The following GLYR1 variants were observed in gnomAD, a reference collection of about 807,000 sequenced individuals.
GLYR1 encodes the protein cytokine-like nuclear factor N-PAC.
In GLYR1, 21 loss-of-function variants were observed where a neutral mutation model predicts 72.7. The ratio of observed to expected loss-of-function variants is 0.29; its 90% CI spans 0.20 to 0.42. The LOEUF is 0.42. GLYR1 is among the 10% of genes least tolerant of loss of function. The probability of loss-of-function intolerance (pLI) is 1.00; values close to 1 mark genes in which losing one functional copy is unlikely to be tolerated. For missense variants in GLYR1, 594 were observed against 712.1 expected, an observed-to-expected ratio of 0.83 and a Z score of 1.89; for synonymous variants, 392 against 270.2, an observed-to-expected ratio of 1.45 and a Z score of -4.42.
At chr16:4,808,657 C>G (rs1325066888) in intron 15 of GLYR1, among the ~76,000 whole-genome samples, 1 of 151,408 alleles carries the variant, frequency 6.6e-6, no homozygotes, top group Non-Finnish European at 1.5e-5. Flanking sequence ...GCTGATAGTA[C>G]TTTAAAAATA....
chr16:4,807,514 A>C (rs576406420), intron 15 of GLYR1, among the ~76,000 whole-genome samples: 2 of 152,230 alleles, frequency 1.3e-5, no homozygotes, highest in Non-Finnish European at 1.5e-5. Context: ...AAATTGAACC[A>C]CATATCAATA....
intron 9 of GLYR1, chr16:4,818,022 A>G: frequency 8.2e-6 from 2 of 242,472 alleles, no homozygotes; most frequent in South Asian, 1.1e-4. Flanking sequence ...TTTTTGAGAC[A>G]GTCTTGCTCT....
chr16:4,811,076 G>T, intron 15 of GLYR1, 94 bp downstream of exon 15: 7 of 1,470,412 alleles, frequency 4.8e-6, no homozygotes, highest in Non-Finnish European at 6.4e-6. Flanking sequence ...GTGCACTCTA[G>T]CCTGGGTGAC....
Position 4,821,558 on chromosome 16 carries a change from T to A in GLYR1, c.721A>T (p.Ile241Leu). Residue 241 changes from isoleucine to leucine, a missense_variant, in exon 8 of 16, where the codon ATA becomes TTA. This residue lies in a region of GLYR1 where 252 missense variants were observed against 211.3 expected (regional missense o/e 1.19). Coordinates refer to ENST00000321919, the MANE Select transcript of GLYR1 (RefSeq NM_032569.4). ...TGGAGCCTACATACCTCTTCACATA[T>A]TTTCAACTTCTTCGTGATTGCCTGG... is the stretch of plus-strand genomic sequence containing the variant. ...CYQAITKKLK[I>L]CEEETGSTSI... is the part of the protein sequence containing the mutation. 6.2e-7 allele frequency: 1 copy of A among 1,614,064 alleles called. No homozygotes were observed.
intron 6 of GLYR1, 95 bp downstream of exon 6, chr16:4,823,724 TCA>T: frequency 1.1e-6 from 1 of 908,960 alleles, no homozygotes; most frequent in Non-Finnish European, 1.7e-6. Flanking sequence ...AAATTAAGCC[TCA>T]CACACAAGAA....
At chr16:4,811,874 T>G in intron 13 of GLYR1, 72 bp from the exon 14 acceptor site, 2 of 1,526,708 alleles carry the variant, frequency 1.3e-6, no homozygotes, top group South Asian at 2.5e-5. Context: ...CACCCTCACC[T>G]CTGCTCAGAC....
At chr16:4,814,004 C>T in intron 11 of GLYR1, 166 bp from the exon 12 acceptor site, 1 of 514,424 alleles carries the variant, frequency 1.9e-6, no homozygotes, top group South Asian at 3.1e-5. Flanking sequence ...AAAGTACTTC[C>T]CGCATGCTCC....
At chr16:4,816,438 G>C (rs936546797) in intron 10 of GLYR1, among the ~76,000 whole-genome samples, 2 of 152,094 alleles carry the variant, frequency 1.3e-5, no homozygotes, top group African/African-American at 4.8e-5. Context: ...CCTATTCTTA[G>C]ATCTAAAATT....
intron 3 of GLYR1, among the ~76,000 whole-genome samples, chr16:4,836,827 A>C (rs1018956063): frequency 1.6e-4 from 24 of 151,820 alleles, no homozygotes; most frequent in South Asian, 4.2e-4. Flanking sequence ...AAAAAAAAAA[A>C]AACAAAACAA....
At chr16:4,809,249 G>C (rs1183604742) in intron 15 of GLYR1, among the ~76,000 whole-genome samples, 1 of 146,476 alleles carries the variant, frequency 6.8e-6, no homozygotes, top group South Asian at 2.2e-4. Flanking sequence ...GAGTGCAGTG[G>C]TGCGATCTAG....
chr16:4,813,690 C>G (rs770928215), intron 12 of GLYR1, 47 bp downstream of exon 12: 4 of 1,487,682 alleles, frequency 2.7e-6, no homozygotes, highest in Non-Finnish European at 3.7e-6. Context: ...GGGTCTTGGG[C>G]TCTGATAGAA....
chr16:4,843,653 G>A, intron 3 of GLYR1: 1 of 1,286,916 alleles, frequency 7.8e-7, no homozygotes, highest in Non-Finnish European at 1.0e-6. Flanking sequence ...TCCTGGATGA[G>A]TGAAGAATAC....
At chr16:4,841,304 TTAATC>T (rs1457789693) in intron 3 of GLYR1, among the ~76,000 whole-genome samples, 1 of 151,784 alleles carries the variant, frequency 6.6e-6, no homozygotes, top group Admixed American at 6.6e-5. Context: ...TCACAGTTTA[TTAATC>T]TAGTCTTTTA....
intron 4 of GLYR1, chr16:4,832,563 T>C: frequency 1.6e-6 from 1 of 617,376 alleles, no homozygotes; most frequent in South Asian, 2.5e-5. Context: ...TCCAAGCAAT[T>C]TTCCTAAAAG....
chr16:4,844,824 G>A (rs546022568), intron 3 of GLYR1, among the ~76,000 whole-genome samples: 6 of 152,200 alleles, frequency 3.9e-5, no homozygotes, highest in Non-Finnish European at 8.8e-5. Context: ...CTGTTTCAAT[G>A]TGATTGTTAT....
intron 1 of GLYR1, 150 bp from the exon 2 acceptor site, chr16:4,846,360 G>A: frequency 1.3e-6 from 1 of 799,948 alleles, no homozygotes; most frequent in Non-Finnish European, 2.2e-6. Flanking sequence ...AACACCCTCA[G>A]AAGTAAAATG....
intron 9 of GLYR1, among the ~76,000 whole-genome samples, chr16:4,820,097 A>C (rs2083916337): frequency 6.6e-6 from 1 of 152,098 alleles, no homozygotes; most frequent in East Asian, 1.9e-4. Flanking sequence ...TCCCGGGTTC[A>C]AGCGATTCTC....
At chr16:4,805,768 G>A (rs1791836105) in intron 15 of GLYR1, among the ~76,000 whole-genome samples, 1 of 152,000 alleles carries the variant, frequency 6.6e-6, no homozygotes, top group Non-Finnish European at 1.5e-5. Flanking sequence ...ACGAGGTCAG[G>A]AGATCAAGAC....
chr16:4,831,030 A>G (rs953774655), intron 5 of GLYR1, among the ~76,000 whole-genome samples: 2 of 152,184 alleles, frequency 1.3e-5, no homozygotes, highest in Admixed American at 6.5e-5. Context: ...CATTCCAAAC[A>G]GAACTGGTAC....
Sources: gnomAD v4.1 joint callset for allele counts (sites outside exome capture counted in the v4.1 genomes callset) on GRCh38, gnomAD v4.1.1 for gene constraint, gnomAD v4.1.1 regional missense constraint, MANE v1.5 for transcripts, NCBI Gene and HGNC (gene_info 2026-07-23, HGNC 2026-07-21) for gene names.